The following SLC2A9 variants were observed in gnomAD, a reference collection of about 807,000 sequenced individuals.
SLC2A9 encodes the protein solute carrier family 2 member 9.
A neutral mutation model predicts 50.6 loss-of-function variants in SLC2A9; 39 were observed. The ratio of observed to expected loss-of-function variants is 0.77; its 90% CI spans 0.60 to 1.01. The LOEUF (loss-of-function observed/expected upper bound fraction) is 1.01, where lower values mean the gene tolerates loss of function less well. SLC2A9 is among the 50% of genes least tolerant of loss of function. The pLI is 0.00. For missense variants in SLC2A9, 686 were observed against 677.6 expected, an observed-to-expected ratio of 1.01 and a Z score of -0.14; for synonymous variants, 324 against 276.9, an observed-to-expected ratio of 1.17 and a Z score of -1.69.
rs76685428 is a variant in SLC2A9, at chr4:9,800,731, T to G, written n.421-1490A>C. Among the ~76,000 whole-genome samples the G allele has an allele frequency of 6.1e-3, 925 of 152,318 alleles. 10 individuals are homozygous for G. The highest frequency in any genetic ancestry group is 0.021 in the African/African-American group (887 of 41,558). Reference sequence around the variant, plus strand: ...ATGCAGTATAACAACTATTTACACATAGCATTTACAACGCATCAGGTATTA... The same window carrying G: ...ATGCAGTATAACAACTATTTACACAGAGCATTTACAACGCATCAGGTATTA... On this transcript the variant is annotated intron_variant and non_coding_transcript_variant, in intron 3 of 3. Coordinates refer to the SLC2A9 transcript ENST00000503280.
Position 10,021,484 on chromosome 4 carries a change from G to A in SLC2A9, c.-55C>T. The A allele has an allele frequency of 6.2e-7, 1 of 1,611,504 alleles. No homozygotes were observed. Among genetic ancestry groups the A allele is most frequent in the Non-Finnish European group, 8.5e-7 (1 of 1,179,040 alleles). ...TCCAGGGACCCCAGACTCTGCCAAG[G>A]CATTTCCGTGAGTGAGGAGGCAGAG... On this transcript the variant is annotated 5_prime_UTR_variant, in exon 1 of 12. Transcript: ENST00000264784.
chr4:9,800,649 G>A (rs576801835), intron 3 of SLC2A9, among the ~76,000 whole-genome samples: 2 of 152,002 alleles, frequency 1.3e-5, no homozygotes, highest in African/African-American at 4.8e-5. Context: ...AAGTATCCAC[G>A]GATCAAAATT....
At chr4:10,005,876 T>G (rs1760695049) in intron 2 of SLC2A9, among the ~76,000 whole-genome samples, 1 of 152,202 alleles carries the variant, frequency 6.6e-6, no homozygotes, top group South Asian at 2.1e-4. Flanking sequence ...CTTTGCTGGG[T>G]GACCTTGAGT....
At chr4:9,940,829 T>C (rs1266624686) in intron 6 of SLC2A9, among the ~76,000 whole-genome samples, 1 of 152,250 alleles carries the variant, frequency 6.6e-6, no homozygotes, top group Non-Finnish European at 1.5e-5. Flanking sequence ...TTTCAAAAGA[T>C]GTTGCACAAA....
chr4:10,034,039 C>T (rs551022372), intron 1 of SLC2A9, among the ~76,000 whole-genome samples: 1 of 152,358 alleles, frequency 6.6e-6, no homozygotes, highest in South Asian at 2.1e-4. Context: ...CCAGCACCCA[C>T]CAATCTTCCC....
intron 3 of SLC2A9, among the ~76,000 whole-genome samples, chr4:9,816,488 T>C (rs1347768223): frequency 6.6e-6 from 1 of 152,152 alleles, no homozygotes; most frequent in Non-Finnish European, 1.5e-5. Flanking sequence ...CAGTTTCAGG[T>C]ACTGTATACC....
At chr4:9,977,407 G>C (rs1381142929) in intron 5 of SLC2A9, among the ~76,000 whole-genome samples, 1 of 152,002 alleles carries the variant, frequency 6.6e-6, no homozygotes, top group Non-Finnish European at 1.5e-5. Flanking sequence ...GGAAACAGTA[G>C]GAGATGCCCT....
chr4:9,942,504 T>C (rs1748354175), intron 5 of SLC2A9, among the ~76,000 whole-genome samples: 1 of 152,164 alleles, frequency 6.6e-6, no homozygotes, highest in Non-Finnish European at 1.5e-5. Context: ...CAACCATCTC[T>C]GTCTTCTCAG....
At chr4:9,963,384 TA>T (rs1258019656) in intron 5 of SLC2A9, among the ~76,000 whole-genome samples, 1 of 152,192 alleles carries the variant, frequency 6.6e-6, no homozygotes, top group Non-Finnish European at 1.5e-5. Flanking sequence ...GTCTTCTTCA[TA>T]ATTCCAAGGT....
intron 8 of SLC2A9, among the ~76,000 whole-genome samples, chr4:9,900,931 A>C (rs1259586500): frequency 6.6e-6 from 1 of 152,190 alleles, no homozygotes; most frequent in African/African-American, 2.4e-5. Flanking sequence ...CCCATGACAC[A>C]TGGGGATTGT....
intron 5 of SLC2A9, among the ~76,000 whole-genome samples, chr4:9,943,852 C>T (rs553237280): frequency 2.6e-5 from 4 of 152,096 alleles, no homozygotes; most frequent in African/African-American, 7.2e-5. Flanking sequence ...TACCACGTGC[C>T]GGATGTGATG....
intron 11 of SLC2A9, among the ~76,000 whole-genome samples, chr4:9,827,585 C>T (rs558379310): frequency 6.6e-5 from 10 of 152,328 alleles, no homozygotes; most frequent in Admixed American, 5.9e-4. Context: ...ATCCCTGGAT[C>T]ACATCCTAGA....
At chr4:9,784,591 T>G (rs1383882171) in intron 3 of SLC2A9, among the ~76,000 whole-genome samples, 1 of 152,246 alleles carries the variant, frequency 6.6e-6, no homozygotes, top group African/African-American at 2.4e-5. Context: ...AGATGAAATG[T>G]GAATGAACTT....
intron 6 of SLC2A9, among the ~76,000 whole-genome samples, chr4:9,933,591 G>C (rs1040086545): frequency 5.9e-5 from 9 of 152,202 alleles, no homozygotes; most frequent in African/African-American, 2.2e-4. Context: ...GCAAAAGGTA[G>C]AAAATGTGTA....
At chr4:9,924,852 C>T (rs1467237640) in intron 6 of SLC2A9, among the ~76,000 whole-genome samples, 2 of 152,198 alleles carry the variant, frequency 1.3e-5, no homozygotes, top group Admixed American at 1.3e-4. Flanking sequence ...TAAGCCCCTT[C>T]AGCGTCTACA....
intron 3 of SLC2A9, among the ~76,000 whole-genome samples, chr4:9,790,128 G>A (rs1350826044): frequency 6.6e-6 from 1 of 152,220 alleles, no homozygotes; most frequent in African/African-American, 2.4e-5. Flanking sequence ...GATTTGAAGA[G>A]CATCTACTCC....
chr4:10,017,730 C>G (rs1762853916), intron 2 of SLC2A9, among the ~76,000 whole-genome samples: 1 of 152,208 alleles, frequency 6.6e-6, no homozygotes, highest in South Asian at 2.1e-4. Context: ...TGCTTCCTGT[C>G]TGCCCCCAAA....
intron 11 of SLC2A9, 48 bp from the exon 12 acceptor site, chr4:9,826,648 T>C: frequency 6.4e-7 from 1 of 1,564,914 alleles, no homozygotes; most frequent in South Asian, 1.1e-5. Flanking sequence ...ATCAGTAAAC[T>C]TGCTGTTAAA....
At chr4:9,994,689 T>C (rs756053027) in intron 3 of SLC2A9, among the ~76,000 whole-genome samples, 1 of 151,636 alleles carries the variant, frequency 6.6e-6, no homozygotes, top group Non-Finnish European at 1.5e-5. Flanking sequence ...GTAACACACC[T>C]GATACACAGC....
Sources: gnomAD v4.1 joint callset for allele counts (sites outside exome capture counted in the v4.1 genomes callset) on GRCh38, gnomAD v4.1.1 for gene constraint, MANE v1.5 for transcripts, NCBI Gene and HGNC (gene_info 2026-07-23, HGNC 2026-07-21) for gene names.